JPH2: variants seen among roughly 807,000 people sequenced by gnomAD.
JPH2 encodes junctophilin-2.
JPH2 carries 38 observed loss-of-function variants against 55.9 expected under a neutral mutation model. That is an observed-to-expected ratio of 0.68 (90% CI 0.52 to 0.89). JPH2 has a LOEUF of 0.89. Among genes scored for constraint, JPH2 ranks in the 40% least tolerant of loss-of-function variants. JPH2 has a pLI of 0.00. For synonymous variants in JPH2, 480 were observed against 472.4 expected, an observed-to-expected ratio of 1.02 and a Z score of -0.21; for missense variants, 964 against 1,037.6, an observed-to-expected ratio of 0.93 and a Z score of 0.97.
At chr20:44,143,833 G>C (rs939088274) in intron 2 of JPH2, among the ~76,000 whole-genome samples, 14 of 152,190 alleles carry the variant, frequency 9.2e-5, no homozygotes, top group Admixed American at 3.3e-4. Context: ...GCAGGAGGAG[G>C]CATGAAAAGC....
chr20:44,178,659 G>A (rs1225153090), intron 1 of JPH2, among the ~76,000 whole-genome samples: 1 of 152,158 alleles, frequency 6.6e-6, no homozygotes, highest in African/African-American at 2.4e-5. Context: ...CCAGGCTGAA[G>A]AAGCTGGTTT....
intron 1 of JPH2, among the ~76,000 whole-genome samples, chr20:44,161,229 C>T (rs1379250000): frequency 6.6e-6 from 1 of 152,152 alleles, no homozygotes; most frequent in African/African-American, 2.4e-5. Context: ...TAATATGTAG[C>T]ACTCCAGGCT....
chr20:44,164,652 A>G lies in JPH2; in HGVS notation c.380-4245T>C, dbSNP rs368259746. ...CTAGAGATGAAAGCTGTGTGACTCC[A>G]GTTACATGAAAGCCTCAAAAAACAA... On this transcript the variant is annotated intron_variant, in intron 1 of 5. Transcript: ENST00000372980. Among the ~76,000 whole-genome samples the G allele has an allele frequency of 2.0e-5, 3 of 151,812 alleles. No homozygotes were observed. In the East Asian group the frequency reaches 5.8e-4, roughly 29 times the overall value.
intron 1 of JPH2, among the ~76,000 whole-genome samples, chr20:44,186,117 T>C (rs1225569210): frequency 1.3e-5 from 2 of 152,142 alleles, no homozygotes; most frequent in African/African-American, 2.4e-5. Flanking sequence ...CTGCCACTAA[T>C]CCTCTCAATA....
At chr20:44,151,105 C>A (rs2072527067) in intron 2 of JPH2, among the ~76,000 whole-genome samples, 1 of 152,174 alleles carries the variant, frequency 6.6e-6, no homozygotes, top group African/African-American at 2.4e-5. Context: ...TTAATGGGTA[C>A]TTGCGTGTTC....
chr20:44,168,761 G>A (rs201808888), intron 1 of JPH2, among the ~76,000 whole-genome samples: 1 of 152,206 alleles, frequency 6.6e-6, no homozygotes, highest in African/African-American at 2.4e-5. Context: ...TGAAGAAAGC[G>A]TGACCATTTC....
rs776141971 is a variant in JPH2 at position 44,115,653 on chromosome 20, C to T, written c.2010+12G>A. The T allele has an allele frequency of 1.9e-6, 3 of 1,612,106 alleles. No homozygotes were observed. The highest frequency in any genetic ancestry group is 1.7e-5 in the Admixed American group (1 of 60,028). On this transcript the variant is annotated intron_variant, in intron 4 of 5. Coordinates refer to ENST00000372980, the MANE Select transcript of JPH2 (RefSeq NM_020433.5). The stretch of plus-strand genomic sequence containing the variant: ...AACCCGACCTTAGGCACACCTTGCC[C>T]GACAGCCTCACCTCTTCCACCTCCA...
intron 2 of JPH2, among the ~76,000 whole-genome samples, chr20:44,145,424 G>A (rs2145867113): frequency 6.6e-6 from 1 of 152,230 alleles, no homozygotes; most frequent in East Asian, 1.9e-4. Context: ...GGCCAACATA[G>A]TGAAACCCCC....
In JPH2 at chr20:44,147,431, AT is replaced by A. The variant is rs572426896; in HGVS notation, c.1169+12186del. Reference sequence around the variant, plus strand: ...GCATACAGCTGCTAAAGGGAGGAAGATAAATCTACATGCATAACATAAAAAG... The same window carrying A: ...GCATACAGCTGCTAAAGGGAGGAAGAAAATCTACATGCATAACATAAAAAG... On this transcript the variant is annotated intron_variant, in intron 2 of 5. Coordinates refer to ENST00000372980, the MANE Select transcript of JPH2 (RefSeq NM_020433.5). 9.3e-4 allele frequency among the ~76,000 whole-genome samples: 142 copies of A among 152,384 alleles called. No individual in the cohort carries two copies. The Middle Eastern group carries it at 0.014, about 15-fold the overall frequency.
intron 2 of JPH2, among the ~76,000 whole-genome samples, chr20:44,136,911 A>G (rs995536387): frequency 1.3e-5 from 2 of 152,162 alleles, no homozygotes; most frequent in African/African-American, 2.4e-5. Context: ...TTTACTAGGC[A>G]CCTAATAGAC....
At chr20:44,117,846 CCA>C (rs1035412926) in intron 3 of JPH2, among the ~76,000 whole-genome samples, 2 of 152,180 alleles carry the variant, frequency 1.3e-5, no homozygotes, top group Non-Finnish European at 2.9e-5. Context: ...GAAACAACAG[CCA>C]CAGTCACTGA....
In JPH2 at chr20:44,109,347, A is replaced by G. The variant is rs762695508; in HGVS notation, c.*4171T>C. 5.1e-4 allele frequency among the ~76,000 whole-genome samples: 77 copies of G among 152,360 alleles called. No individual in the cohort carries two copies. The highest frequency in any genetic ancestry group is 1.0e-3 in the Admixed American group (16 of 15,304). ...TCACACCATGCTGGGAATTGTTCTA[A>G]GTGCTGTGTTCATATTTTCTATCTG... On this transcript the variant is annotated 3_prime_UTR_variant, in exon 6 of 6. Coordinates refer to ENST00000372980, the MANE Select transcript of JPH2 (RefSeq NM_020433.5).
At chr20:44,176,918 C>T in intron 1 of JPH2, 1 of 985,446 alleles carries the variant, frequency 1.0e-6, no homozygotes. Context: ...TGTCCAGCCT[C>T]CATGTGTGAC....
At position 44,109,880 on chromosome 20, in the gene JPH2, T is replaced by G. The variant is rs2072129880; in HGVS notation, c.*3638A>C. Among the ~76,000 whole-genome samples, 1 of 152,130 alleles carries G rather than the reference T, an allele frequency of 6.6e-6. No homozygotes were observed. The highest frequency in any genetic ancestry group is 1.5e-5 in the Non-Finnish European group (1 of 68,020). ...TCCCAAATCTGACTCCCACGGTTCC[T>G]AGGTCCCCTCCCTTTCACTGCCCTG... On this transcript the variant is annotated 3_prime_UTR_variant, in exon 6 of 6. Coordinates refer to ENST00000372980, the MANE Select transcript of JPH2 (RefSeq NM_020433.5).
At chr20:44,145,475 G>A (rs1040861645) in intron 2 of JPH2, among the ~76,000 whole-genome samples, 19 of 151,908 alleles carry the variant, frequency 1.3e-4, no homozygotes, top group African/African-American at 4.4e-4. Context: ...GTGTGGTAGC[G>A]TGCCTGTAAT....
rs925270705 is a variant in JPH2 at position 44,109,638 on chromosome 20, C to G, written c.*3880G>C. Among the ~76,000 whole-genome samples, 1 of 152,156 alleles carries G rather than the reference C, an allele frequency of 6.6e-6. No individual in the cohort carries two copies. Among genetic ancestry groups the G allele is most frequent in the South Asian group, 2.1e-4 (1 of 4,824 alleles). On this transcript the variant is annotated 3_prime_UTR_variant, in exon 6 of 6. Coordinates refer to ENST00000372980, the MANE Select transcript of JPH2 (RefSeq NM_020433.5). ...GTCAGAGTTTTGCACAAAACAAGAA[C>G]CTAAGAGCTATTTTAATTTCAGCAT...
chr20:44,134,615 A>AATAAATATATATTTATT (rs2072384171), intron 2 of JPH2, among the ~76,000 whole-genome samples: 2 of 4,232 alleles, frequency 4.7e-4, no homozygotes, highest in Non-Finnish European at 8.7e-4. Flanking sequence ...TTATAAATAT[A>AATAAATATATATTTATT]ATAAATATAT....
chr20:44,124,554 CTG>C, intron 2 of JPH2, among the ~76,000 whole-genome samples: 1 of 152,060 alleles, frequency 6.6e-6, no homozygotes, highest in Admixed American at 6.6e-5. Flanking sequence ...TGGCTCACAC[CTG>C]TAATCCCAGC....
intron 1 of JPH2, among the ~76,000 whole-genome samples, chr20:44,172,886 A>G (rs2072708662): frequency 6.6e-6 from 1 of 152,176 alleles, no homozygotes. Flanking sequence ...GAATATTTCA[A>G]TCCTGAGAAG....
Sources: allele counts gnomAD v4.1 joint callset (sites outside exome capture counted in the v4.1 genomes callset), GRCh38; gene constraint gnomAD v4.1.1; transcripts MANE v1.5; gene names NCBI Gene and HGNC (gene_info 2026-07-23, HGNC 2026-07-21).